Variants in PHF24 observed in about 807,000 individuals in gnomAD.
PHF24 encodes PHD finger protein 24, also known as Galpha inhibitory interacting protein.
A neutral mutation model predicts 42.6 loss-of-function variants in PHF24; 25 were observed. That is an observed-to-expected ratio of 0.59 (90% CI 0.43 to 0.82). The LOEUF (loss-of-function observed/expected upper bound fraction) is 0.82. Among genes scored for constraint, PHF24 ranks in the 40% least tolerant of loss-of-function variants. PHF24 has a pLI of 0.00. For missense variants in PHF24, 470 were observed against 538.1 expected, an observed-to-expected ratio of 0.87 and a Z score of 1.25; for synonymous variants, 185 against 204.8, an observed-to-expected ratio of 0.90 and a Z score of 0.83.
At chr9:34,743,897 G>A in the PHF24 span, among the ~76,000 whole-genome samples, 9 of 152,288 alleles carry the variant, frequency 5.9e-5, no homozygotes, top group East Asian at 5.8e-4. Context: ...CTGGTGAGTC[G>A]TCCCGTGGTG....
the PHF24 span, among the ~76,000 whole-genome samples, chr9:34,824,269 G>C: frequency 1.3e-5 from 2 of 152,220 alleles, no homozygotes; most frequent in African/African-American, 2.4e-5. Context: ...TGGGTTCCCA[G>C]GTGAGCATTG....
At chr9:34,753,611 G>T in the PHF24 span, among the ~76,000 whole-genome samples, 1 of 152,070 alleles carries the variant, frequency 6.6e-6, no homozygotes, top group African/African-American at 2.4e-5. Context: ...AAACACCAAT[G>T]ACATTCTTCA....
the PHF24 span, among the ~76,000 whole-genome samples, chr9:34,928,260 A>G: frequency 0.99 from 147,859 of 149,644 alleles, 73,071 homozygotes; most frequent in Middle Eastern, 1. Context: ...GCACAACAGG[A>G]TGACTATAGC....
At chr9:34,832,900 A>C in the PHF24 span, 1 of 1,551,706 alleles carries the variant, frequency 6.4e-7, no homozygotes. Context: ...GGTCCTTCTC[A>C]GACTCTTTCT....
At chr9:34,897,083 G>A in the PHF24 span, among the ~76,000 whole-genome samples, 1 of 151,270 alleles carries the variant, frequency 6.6e-6, no homozygotes, top group Non-Finnish European at 1.5e-5. Flanking sequence ...TTGAACCCAG[G>A]AGGCAGAAGT....
At chr9:34,740,694 G>A in the PHF24 span, among the ~76,000 whole-genome samples, 22 of 152,380 alleles carry the variant, frequency 1.4e-4, no homozygotes, top group Non-Finnish European at 2.8e-4. Flanking sequence ...ACAGTGCAGT[G>A]GTGGGCTGAA....
chr9:34,759,647 G>A, the PHF24 span, among the ~76,000 whole-genome samples: 5 of 152,152 alleles, frequency 3.3e-5, no homozygotes, highest in Admixed American at 3.3e-4. Flanking sequence ...CTATGTGGCT[G>A]TAACAGTTCT....
the PHF24 span, among the ~76,000 whole-genome samples, chr9:34,921,098 C>G: frequency 1.3e-5 from 2 of 151,944 alleles, no homozygotes; most frequent in African/African-American, 4.8e-5. Flanking sequence ...CAGTTTTTCC[C>G]TGTTCAATAT....
At chr9:34,813,413 T>C in the PHF24 span, among the ~76,000 whole-genome samples, 1 of 152,228 alleles carries the variant, frequency 6.6e-6, no homozygotes, top group Non-Finnish European at 1.5e-5. Context: ...CAATTTGTTA[T>C]CTCACAGTTT....
At chr9:34,833,574 C>T in the PHF24 span, 2 of 1,551,098 alleles carry the variant, frequency 1.3e-6, no homozygotes, top group Non-Finnish European at 8.7e-7. Context: ...GACTTCCTTG[C>T]CCTAATGGGA....
chr9:34,968,277 T>A (rs1826850157), intron 1 of PHF24, among the ~76,000 whole-genome samples: 1 of 152,242 alleles, frequency 6.6e-6, no homozygotes, highest in Admixed American at 6.5e-5. Context: ...GAAAAAAAGA[T>A]TTCTTAATCA....
intron 6 of PHF24, 106 bp downstream of exon 6, chr9:34,977,349 G>A: frequency 7.2e-7 from 1 of 1,380,076 alleles, no homozygotes; most frequent in Non-Finnish European, 9.9e-7. Flanking sequence ...AGCCGAGAGA[G>A]GAGCCTCCTG....
At chr9:34,833,913 G>C in the PHF24 span, 4 of 1,539,068 alleles carry the variant, frequency 2.6e-6, no homozygotes, top group African/African-American at 5.6e-5. Context: ...AGGGCCCTGG[G>C]GAGCGCCACA....
At chr9:34,829,840 G>A in the PHF24 span, among the ~76,000 whole-genome samples, 4 of 152,206 alleles carry the variant, frequency 2.6e-5, no homozygotes, top group Non-Finnish European at 5.9e-5. Flanking sequence ...CTGTCTTGAT[G>A]TATGAACTGA....
the PHF24 span, among the ~76,000 whole-genome samples, chr9:34,777,137 A>G: frequency 6.6e-6 from 1 of 152,084 alleles, no homozygotes; most frequent in Non-Finnish European, 1.5e-5. Context: ...CTTGGGCCCC[A>G]GGGTGGTATA....
the PHF24 span, among the ~76,000 whole-genome samples, chr9:34,839,827 C>T: frequency 6.6e-6 from 1 of 152,182 alleles, no homozygotes; most frequent in Non-Finnish European, 1.5e-5. Context: ...TGATGTATTA[C>T]TGAGGTTCAG....
At chr9:34,877,173 C>T in the PHF24 span, among the ~76,000 whole-genome samples, 2 of 150,988 alleles carry the variant, frequency 1.3e-5, no homozygotes, top group Non-Finnish European at 2.9e-5. Flanking sequence ...CCCAGCTACT[C>T]GGGAGGCTGA....
At chr9:34,759,022 C>G in the PHF24 span, among the ~76,000 whole-genome samples, 1 of 152,158 alleles carries the variant, frequency 6.6e-6, no homozygotes, top group East Asian at 1.9e-4. Flanking sequence ...ACCGCTCTCC[C>G]CTCAATACTG....
chr9:34,690,133 G>C, the PHF24 span: 1 of 1,592,834 alleles, frequency 6.3e-7, no homozygotes, highest in Non-Finnish European at 8.6e-7. Flanking sequence ...TTGGCATGGA[G>C]AAGGGGAATA....
Sources: gnomAD v4.1 joint callset for allele counts (sites outside exome capture counted in the v4.1 genomes callset) on GRCh38, gnomAD v4.1.1 for gene constraint, MANE v1.5 for transcripts, NCBI Gene and HGNC (gene_info 2026-07-23, HGNC 2026-07-21) for gene names.